Variants in EXOC6B observed in about 807,000 individuals in gnomAD.
The protein encoded by EXOC6B is exocyst complex component 6B.
A neutral mutation model predicts 113.5 loss-of-function variants in EXOC6B; 54 were observed. The ratio of observed to expected loss-of-function variants is 0.48; its 90% CI spans 0.38 to 0.60. The LOEUF is 0.60. Among genes scored for constraint, EXOC6B ranks in the 20% least tolerant of loss-of-function variants. The pLI, the probability that EXOC6B is intolerant of heterozygous loss-of-function variation, is 0.00. For synonymous variants in EXOC6B, 357 were observed against 339.0 expected (o/e 1.05, Z -0.58); for missense variants, 797 against 977.5 (o/e 0.82, Z 2.46).
At chr2:72,663,891 A>C (rs999601099) in intron 6 of EXOC6B, among the ~76,000 whole-genome samples, 1 of 152,224 alleles carries the variant, frequency 6.6e-6, no homozygotes, top group Non-Finnish European at 1.5e-5. Flanking sequence ...TCAATTATAA[A>C]AAAAAGTATT....
intron 19 of EXOC6B, among the ~76,000 whole-genome samples, chr2:72,337,427 A>T (rs1486730589): frequency 6.6e-6 from 1 of 152,130 alleles, no homozygotes; most frequent in African/African-American, 2.4e-5. Context: ...CATCCTATAT[A>T]TGTCCAACTC....
intron 18 of EXOC6B, among the ~76,000 whole-genome samples, chr2:72,389,439 C>A (rs1465114072): frequency 6.6e-6 from 1 of 151,856 alleles, no homozygotes; most frequent in African/African-American, 2.4e-5. Flanking sequence ...TATTAAAAAA[C>A]AAAAATTGAG....
chr2:72,580,687 C>T (rs1313324607), intron 6 of EXOC6B, among the ~76,000 whole-genome samples: 6 of 152,252 alleles, frequency 3.9e-5, no homozygotes, highest in South Asian at 2.1e-4. Flanking sequence ...TATAACCTGA[C>T]ATCAGGTTAC....
chr2:72,411,871 C>G (rs1694208481), intron 18 of EXOC6B, among the ~76,000 whole-genome samples: 1 of 151,938 alleles, frequency 6.6e-6, no homozygotes, highest in Non-Finnish European at 1.5e-5. Context: ...TAAAGTTCAA[C>G]AAGTAGAATC....
At chr2:72,410,756 T>C (rs1174951801) in intron 18 of EXOC6B, among the ~76,000 whole-genome samples, 2 of 152,214 alleles carry the variant, frequency 1.3e-5, no homozygotes, top group Non-Finnish European at 2.9e-5. Flanking sequence ...AAATTTGTTT[T>C]TGATTTATAG....
chr2:72,201,625 T>A (rs879779775), intron 20 of EXOC6B, among the ~76,000 whole-genome samples: 2 of 152,240 alleles, frequency 1.3e-5, no homozygotes, highest in Non-Finnish European at 2.9e-5. Flanking sequence ...CTGACATCAC[T>A]ATGCCTACCC....
intron 6 of EXOC6B, among the ~76,000 whole-genome samples, chr2:72,591,529 G>T (rs1398187923): frequency 6.6e-6 from 1 of 152,106 alleles, no homozygotes; most frequent in Non-Finnish European, 1.5e-5. Context: ...CAGCAAAACG[G>T]CTCAAGGCTA....
chr2:72,638,904 AC>A (rs1673035573), intron 6 of EXOC6B, among the ~76,000 whole-genome samples: 1 of 152,004 alleles, frequency 6.6e-6, no homozygotes, highest in Non-Finnish European at 1.5e-5. Flanking sequence ...CAACATGAGC[AC>A]CCCTTGGTCA....
At chr2:72,246,507 ATTT>A (rs11386307) in intron 20 of EXOC6B, among the ~76,000 whole-genome samples, 2 of 137,036 alleles carry the variant, frequency 1.5e-5, no homozygotes, top group Non-Finnish European at 1.6e-5. Context: ...TAACTAATTG[ATTT>A]TTTTTTTTTT....
At chr2:72,674,596 C>A (rs1276781608) in intron 6 of EXOC6B, among the ~76,000 whole-genome samples, 1 of 152,130 alleles carries the variant, frequency 6.6e-6, no homozygotes, top group Non-Finnish European at 1.5e-5. Context: ...CTTTGGGAGG[C>A]CGAGGCGGGC....
Position 72,178,597 on chromosome 2 carries a change from C to T in EXOC6B, c.*738G>A, listed in dbSNP as rs1337095031. 3 of 152,184 alleles carry T rather than the reference C, an allele frequency of 2.0e-5. No homozygotes were observed. Among genetic ancestry groups the T allele is most frequent in the African/African-American group, 7.2e-5 (3 of 41,450 alleles). The allele number at this position is 152,184 out of a possible 1,614,324, so 9.4% of individuals were successfully genotyped here. ...GCTTTCAAGATCCAGAAAAACTCTTCGAGTTGAGACTCAACACTCCTAGAG... is the reference window on the plus strand; with the variant it reads ...GCTTTCAAGATCCAGAAAAACTCTTTGAGTTGAGACTCAACACTCCTAGAG... On this transcript the variant is annotated 3_prime_UTR_variant, in exon 22 of 22. Coordinates refer to ENST00000272427, the MANE Select transcript of EXOC6B (RefSeq NM_015189.3).
chr2:72,790,059 G>C (rs1684591397), intron 1 of EXOC6B, among the ~76,000 whole-genome samples: 1 of 152,110 alleles, frequency 6.6e-6, no homozygotes, highest in Admixed American at 6.5e-5. Context: ...CACACTCAGA[G>C]AAATGGCACA....
chr2:72,689,170 T>C (rs1677306723), intron 6 of EXOC6B, among the ~76,000 whole-genome samples: 1 of 152,216 alleles, frequency 6.6e-6, no homozygotes, highest in Admixed American at 6.5e-5. Context: ...GTTACTTTAT[T>C]TCATGATTGG....
In EXOC6B at chr2:72,575,556, G is replaced by A; in HGVS notation, c.782C>T (p.Thr261Ile). The change falls in exon 7 of 22, where the codon ACT becomes ATT. Residue 261 changes from threonine to isoleucine, a missense_variant. Coordinates refer to ENST00000272427, the MANE Select transcript of EXOC6B (RefSeq NM_015189.3). Reference protein sequence around the residue: ...YIIFDTEIESTSPKSEQDSGI... With the variant: ...YIIFDTEIESISPKSEQDSGI... ...TGAATCCTGTTCAGACTTCGGACTA[G>A]TACTTTCTATCTCTGTATCAAAGAT... The A allele has an allele frequency of 1.2e-6, 2 of 1,611,470 alleles. No individual in the cohort carries two copies. Among genetic ancestry groups the A allele is most frequent in the Non-Finnish European group, 1.7e-6 (2 of 1,178,988 alleles).
intron 6 of EXOC6B, among the ~76,000 whole-genome samples, chr2:72,642,783 G>A (rs1411619894): frequency 6.6e-6 from 1 of 151,810 alleles, no homozygotes; most frequent in African/African-American, 2.4e-5. Flanking sequence ...TTAAACTAAA[G>A]AGCTTCTGCA....
At chr2:72,446,593 T>C (rs1696597724) in intron 18 of EXOC6B, among the ~76,000 whole-genome samples, 1 of 151,838 alleles carries the variant, frequency 6.6e-6, no homozygotes, top group African/African-American at 2.4e-5. Flanking sequence ...ACACAAAGAA[T>C]GGAACAACAG....
intron 20 of EXOC6B, among the ~76,000 whole-genome samples, chr2:72,200,830 AAAAAAT>A (rs1390475069): frequency 6.6e-6 from 1 of 152,194 alleles, no homozygotes; most frequent in African/African-American, 2.4e-5. Flanking sequence ...TTTTTTAATT[AAAAAAT>A]AAAAATAAAA....
At chr2:72,747,093 G>A (rs1229262538) in intron 1 of EXOC6B, among the ~76,000 whole-genome samples, 1 of 152,034 alleles carries the variant, frequency 6.6e-6, no homozygotes, top group South Asian at 2.1e-4. Flanking sequence ...TCTACTTCAA[G>A]ATGAGTAAGT....
At chr2:72,512,992 A>T in intron 11 of EXOC6B, 140 bp downstream of exon 11, 2 of 963,912 alleles carry the variant, frequency 2.1e-6, no homozygotes, top group Non-Finnish European at 3.0e-6. Context: ...TGAAGCAGCT[A>T]CTTCTATGTC....
Sources: allele counts gnomAD v4.1 joint callset (sites outside exome capture counted in the v4.1 genomes callset), GRCh38; gene constraint gnomAD v4.1.1; transcripts MANE v1.5; gene names NCBI Gene and HGNC (gene_info 2026-07-23, HGNC 2026-07-21).